Variants in CFTR observed in about 807,000 individuals in gnomAD.
CFTR encodes cystic fibrosis transmembrane conductance regulator.
Under a neutral mutation model 171.6 loss-of-function variants are expected in CFTR, and 181 were observed. That is an observed-to-expected ratio of 1.05 (90% confidence interval 0.93 to 1.19). The LOEUF is 1.19. Ranked by LOEUF, CFTR falls within the 50% of genes most tolerant of loss-of-function variation. The pLI, the probability that CFTR is intolerant of heterozygous loss-of-function variation, is 0.00. For missense variants in CFTR, 1,968 were observed against 1,734.7 expected (o/e 1.13, Z -2.39); for synonymous variants, 583 against 608.0 (o/e 0.96, Z 0.60).
intron 21 of CFTR, among the ~76,000 whole-genome samples, chr7:117,615,730 C>T (rs537452060): frequency 1.5e-4 from 22 of 151,620 alleles, no homozygotes; most frequent in Non-Finnish European, 2.9e-4. Flanking sequence ...CCCATTGCAG[C>T]GGGACTGAGA....
Position 117,667,283 on chromosome 7 carries a change from T to A in CFTR, c.*175T>A. The A allele has an allele frequency of 1.5e-6, 1 of 650,510 alleles. No homozygotes were observed. Among genetic ancestry groups the A allele is most frequent in the South Asian group, 1.7e-5 (1 of 59,552 alleles). The allele number at this position is 650,510 out of a possible 1,614,324, so 40.3% of individuals were successfully genotyped here. A position where few individuals can be genotyped will look rare whatever the true frequency, so the allele number is the denominator to read the frequency against. On this transcript the variant is annotated 3_prime_UTR_variant, in exon 27 of 27. Coordinates refer to ENST00000003084, the MANE Select transcript of CFTR (RefSeq NM_000492.4). The stretch of plus-strand genomic sequence containing the variant: ...GTAAGGGGAATTGAGGACACTGATA[T>A]GGGTCTTGATAAATGGCTTCCTGGC...
rs376468813 is a variant in CFTR at position 117,561,595 on chromosome 7, C to G, written c.1584+1940C>G. Among the ~76,000 whole-genome samples the G allele has an allele frequency of 5.3e-5, 8 of 152,138 alleles. No homozygotes were observed. In the East Asian group the frequency reaches 9.7e-4, roughly 18 times the overall value. On this transcript the variant is annotated intron_variant, in intron 11 of 26. Coordinates refer to ENST00000003084, the MANE Select transcript of CFTR (RefSeq NM_000492.4). ...ATAGGGTTTTTTGTGCCTAAATAAG[C>G]TTCTAAAGAAGAATAAGGTAAGGAA...
intron 20 of CFTR, among the ~76,000 whole-genome samples, chr7:117,612,009 ATATATATATATATG>A (rs1244057246): frequency 1.9e-5 from 1 of 53,466 alleles, no homozygotes; most frequent in African/African-American, 1.1e-4. Context: ...GAAATCGGAT[ATATATATATATATG>A]TATATATATA....
At chr7:117,511,575 G>A (rs1798519270) in intron 3 of CFTR, among the ~76,000 whole-genome samples, 1 of 152,172 alleles carries the variant, frequency 6.6e-6, no homozygotes, top group Non-Finnish European at 1.5e-5. Context: ...ATATTGGTGA[G>A]TAAAGGATCC....
At chr7:117,619,850 T>C (rs894039867) in intron 21 of CFTR, among the ~76,000 whole-genome samples, 3 of 152,158 alleles carry the variant, frequency 2.0e-5, no homozygotes, top group African/African-American at 7.2e-5. Context: ...AGAAGAGTTT[T>C]CTGTCAATAC....
At chr7:117,612,033 A>ATATATATATATG (rs1194580379) in intron 20 of CFTR, among the ~76,000 whole-genome samples, 6 of 75,306 alleles carry the variant, frequency 8.0e-5, no homozygotes, top group African/African-American at 3.0e-4. Flanking sequence ...GTATATATAT[A>ATATATATATATG]TATATATATA....
At chr7:117,515,499 C>T (rs1451758345) in intron 3 of CFTR, among the ~76,000 whole-genome samples, 2 of 152,092 alleles carry the variant, frequency 1.3e-5, no homozygotes, top group African/African-American at 2.4e-5. Flanking sequence ...CTGTTCTGCA[C>T]CATTGGTCTA....
At chr7:117,495,326 A>G (rs1798220730) in intron 1 of CFTR, among the ~76,000 whole-genome samples, 1 of 152,180 alleles carries the variant, frequency 6.6e-6, no homozygotes, top group Admixed American at 6.6e-5. Context: ...ATGCTTCTCT[A>G]AAGTAGATGG....
intron 1 of CFTR, among the ~76,000 whole-genome samples, chr7:117,480,698 A>G (rs1797988631): frequency 6.6e-6 from 1 of 152,200 alleles, no homozygotes; most frequent in South Asian, 2.1e-4. Flanking sequence ...CAAAAATTGA[A>G]AGCAAATTTG....
rs1309095469 is a variant in CFTR at position 117,570,193 on chromosome 7, TA to T, written c.1584+10552del. Among the ~76,000 whole-genome samples, 952 of 120,616 alleles carry T rather than the reference TA, an allele frequency of 7.9e-3. 5 individuals carry two copies. Among genetic ancestry groups the T allele is most frequent in the African/African-American group, 0.022 (733 of 32,762 alleles). The allele number at this position is 120,616 out of a possible 152,430, so 79.1% of individuals were successfully genotyped here. ...AGGTGAAGGTGTCCATCTCCTTACT[TA>T]AAAAAAAAAAAAACAAACAAAAAAA... On this transcript the variant is annotated intron_variant, in intron 11 of 26. Transcript: ENST00000003084.
chr7:117,618,233 T>G (rs376684989), intron 21 of CFTR, among the ~76,000 whole-genome samples: 2 of 152,188 alleles, frequency 1.3e-5, no homozygotes, highest in East Asian at 3.9e-4. Flanking sequence ...AGAAACCATA[T>G]CTTGATGAAT....
intron 23 of CFTR, among the ~76,000 whole-genome samples, chr7:117,650,868 T>C (rs574554310): frequency 1.2e-3 from 190 of 152,208 alleles, no homozygotes; most frequent in Non-Finnish European, 2.3e-3. Flanking sequence ...TTCCTGAGCT[T>C]TAAATAGGAA....
intron 1 of CFTR, among the ~76,000 whole-genome samples, chr7:117,481,033 C>G (rs537440737): frequency 6.6e-6 from 1 of 152,076 alleles, no homozygotes; most frequent in Non-Finnish European, 1.5e-5. Flanking sequence ...CACATAATTA[C>G]CCAATGAATA....
At chr7:117,493,170 T>A (rs1302079306) in intron 1 of CFTR, among the ~76,000 whole-genome samples, 1 of 152,084 alleles carries the variant, frequency 6.6e-6, no homozygotes, top group African/African-American at 2.4e-5. Context: ...CCTATAAAAA[T>A]TATTTTCTCC....
At position 117,591,991 on chromosome 7, in the gene CFTR, A is replaced by G. The variant is rs2116030297; in HGVS notation, c.1824A>G (p.Glu608=). Residue 608 remains glutamate (E), a synonymous_variant, in exon 14 of 27, where the codon GAA becomes GAG. Transcript: ENST00000003084. The part of the protein sequence containing the change: ...KTRILVTSKM[E]HLKKADKILI... ...GGATTTTGGTCACTTCTAAAATGGA[A>G]CATTTAAAGAAAGCTGACAAAATAT... 7 of 1,595,578 alleles carry G rather than the reference A, an allele frequency of 4.4e-6. No individual in the cohort carries two copies. The highest frequency in any genetic ancestry group is 4.3e-6 in the Non-Finnish European group (5 of 1,175,152).
chr7:117,665,056 A>G (rs1279549196), intron 25 of CFTR, among the ~76,000 whole-genome samples, 196 bp downstream of exon 25: 1 of 152,236 alleles, frequency 6.6e-6, no homozygotes, highest in African/African-American at 2.4e-5. Flanking sequence ...TCTTCCGAAG[A>G]TAGTTTTTAG....
chr7:117,646,320 C>T (rs1792994784), intron 23 of CFTR, among the ~76,000 whole-genome samples: 1 of 151,882 alleles, frequency 6.6e-6, no homozygotes, highest in Admixed American at 6.6e-5. Flanking sequence ...AGGTATATAC[C>T]ATAGAAGTGA....
At chr7:117,594,878 G>T in intron 14 of CFTR, 52 bp from the exon 15 acceptor site, 1 of 1,568,838 alleles carries the variant, frequency 6.4e-7, no homozygotes, top group East Asian at 2.3e-5. Flanking sequence ...AACCACAATG[G>T]TGGCATGAAA....
intron 23 of CFTR, among the ~76,000 whole-genome samples, chr7:117,649,028 A>G (rs903096893): frequency 5.3e-5 from 8 of 152,072 alleles, no homozygotes; most frequent in African/African-American, 1.9e-4. Flanking sequence ...TCTAATTTCA[A>G]CCAACAGCTT....
Sources: allele counts gnomAD v4.1 joint callset (sites outside exome capture counted in the v4.1 genomes callset), GRCh38; gene constraint gnomAD v4.1.1; transcripts MANE v1.5; gene names NCBI Gene and HGNC (gene_info 2026-07-23, HGNC 2026-07-21).